The following CSMD1 variants were observed in gnomAD, a reference collection of about 807,000 sequenced individuals.
CSMD1 encodes CUB and Sushi multiple domains 1, also known as CUB and sushi domain-containing protein 1.
In CSMD1, 213 loss-of-function variants were observed where a neutral mutation model predicts 417.5. That is an observed-to-expected ratio of 0.51 (90% confidence interval 0.46 to 0.57). The LOEUF is 0.57. Ranked by LOEUF, CSMD1 falls within the 20% of genes least tolerant of loss-of-function variation. The pLI is 0.00. For missense variants in CSMD1, 6,923 were observed against 4,529.7 expected, an observed-to-expected ratio of 1.53 and a Z score of -15.17; for synonymous variants, 2,862 against 1,736.8, an observed-to-expected ratio of 1.65 and a Z score of -16.11.
At chr8:3,198,967 A>G (rs1796845705) in intron 33 of CSMD1, among the ~76,000 whole-genome samples, 1 of 152,200 alleles carries the variant, frequency 6.6e-6, no homozygotes, top group South Asian at 2.1e-4. Flanking sequence ...TCTGAACAAG[A>G]TCATTTCTTC....
intron 26 of CSMD1, among the ~76,000 whole-genome samples, chr8:3,257,165 C>T (rs558541008): frequency 6.6e-6 from 1 of 152,068 alleles, no homozygotes; most frequent in South Asian, 2.1e-4. Flanking sequence ...CCGCTAAAAA[C>T]ACAAAAATTT....
At chr8:3,634,750 C>G (rs1432750471) in intron 7 of CSMD1, among the ~76,000 whole-genome samples, 1 of 152,072 alleles carries the variant, frequency 6.6e-6, no homozygotes, top group African/African-American at 2.4e-5. Context: ...GATTAAGGCA[C>G]ACAGTTTGAT....
At chr8:3,602,963 T>A (rs1467933525) in intron 8 of CSMD1, among the ~76,000 whole-genome samples, 1 of 152,262 alleles carries the variant, frequency 6.6e-6, no homozygotes, top group African/African-American at 2.4e-5. Flanking sequence ...GATGAAAAAA[T>A]TACTTTTCTA....
chr8:3,667,413 C>T (rs916022762), intron 7 of CSMD1, among the ~76,000 whole-genome samples: 21 of 151,954 alleles, frequency 1.4e-4, no homozygotes, highest in Admixed American at 1.2e-3. Context: ...GTGTGGAGAT[C>T]TTGGGGAAGA....
intron 12 of CSMD1, among the ~76,000 whole-genome samples, chr8:3,446,229 T>A (rs1385277328): frequency 6.6e-6 from 1 of 152,200 alleles, no homozygotes; most frequent in Non-Finnish European, 1.5e-5. Context: ...GCACTCCTAG[T>A]CCTTGGAAGA....
intron 5 of CSMD1, among the ~76,000 whole-genome samples, chr8:3,805,074 A>G (rs139677544): frequency 2.0e-5 from 3 of 149,026 alleles, no homozygotes; most frequent in Admixed American, 6.8e-5. Flanking sequence ...GAGAATTAGA[A>G]TAACAGATAC....
intron 30 of CSMD1, among the ~76,000 whole-genome samples, chr8:3,210,322 T>G (rs1480109435): frequency 8.7e-6 from 1 of 114,972 alleles, no homozygotes; most frequent in African/African-American, 3.5e-5. Flanking sequence ...CGCTGTGCTC[T>G]TTGATGACTA....
chr8:4,466,989 G>C (rs1800212328), intron 2 of CSMD1, among the ~76,000 whole-genome samples: 1 of 151,766 alleles, frequency 6.6e-6, no homozygotes, highest in Non-Finnish European at 1.5e-5. Context: ...CTCAGCTGTG[G>C]GAGCTTTCTC....
At chr8:4,266,658 A>G (rs1187168481) in intron 3 of CSMD1, among the ~76,000 whole-genome samples, 1 of 105,324 alleles carries the variant, frequency 9.5e-6, no homozygotes, top group African/African-American at 2.6e-5. Flanking sequence ...ATCTATGAAC[A>G]TTGATATAAC....
At chr8:3,474,946 T>G (rs1215293459) in intron 11 of CSMD1, among the ~76,000 whole-genome samples, 1 of 152,202 alleles carries the variant, frequency 6.6e-6, no homozygotes, top group Non-Finnish European at 1.5e-5. Context: ...GCCATCATAT[T>G]GTAGCTGCCT....
chr8:4,977,952 G>A (rs1810661029), intron 1 of CSMD1, among the ~76,000 whole-genome samples: 1 of 152,216 alleles, frequency 6.6e-6, no homozygotes, highest in Non-Finnish European at 1.5e-5. Flanking sequence ...ATTTGTTGCT[G>A]AGGGTCCTGC....
At chr8:3,169,170 G>A (rs962087247) in intron 37 of CSMD1, among the ~76,000 whole-genome samples, 2 of 152,070 alleles carry the variant, frequency 1.3e-5, no homozygotes, top group Non-Finnish European at 2.9e-5. Context: ...CATTACACAT[G>A]TGCAGGAATC....
chr8:4,475,606 T>TCTTTTA (rs1435326956), intron 2 of CSMD1, among the ~76,000 whole-genome samples: 2 of 150,094 alleles, frequency 1.3e-5, no homozygotes, highest in African/African-American at 5.0e-5. Context: ...GGGTTTTTTT[T>TCTTTTA]CTTTTTCTTT....
chr8:4,957,800 G>C (rs961622312), intron 1 of CSMD1, among the ~76,000 whole-genome samples: 2 of 152,154 alleles, frequency 1.3e-5, no homozygotes, highest in African/African-American at 2.4e-5. Context: ...TAGGACAGGG[G>C]TGTACTAGCT....
intron 5 of CSMD1, among the ~76,000 whole-genome samples, chr8:3,886,535 A>G (rs1313614075): frequency 4.6e-5 from 7 of 152,242 alleles, no homozygotes; most frequent in South Asian, 4.1e-4. Context: ...AAAGCAGGCC[A>G]TGGACAGCAC....
intron 1 of CSMD1, among the ~76,000 whole-genome samples, chr8:4,935,545 G>T (rs1265868093): frequency 6.6e-6 from 1 of 152,058 alleles, no homozygotes; most frequent in Non-Finnish European, 1.5e-5. Flanking sequence ...ACTCTATAAG[G>T]TTATACACTT....
chr8:3,698,892 T>C (rs767256910), intron 7 of CSMD1, among the ~76,000 whole-genome samples: 3 of 152,346 alleles, frequency 2.0e-5, no homozygotes, highest in Non-Finnish European at 4.4e-5. Flanking sequence ...TCATTTGCAA[T>C]TGATTGGATT....
intron 49 of CSMD1, among the ~76,000 whole-genome samples, chr8:3,081,865 C>G (rs980576011): frequency 7.9e-5 from 12 of 152,162 alleles, no homozygotes; most frequent in African/African-American, 2.9e-4. Context: ...ATTTTTAAAA[C>G]TCCATCTTTT....
intron 12 of CSMD1, among the ~76,000 whole-genome samples, chr8:3,432,664 T>A (rs1160224702): frequency 6.6e-6 from 1 of 152,012 alleles, no homozygotes; most frequent in Non-Finnish European, 1.5e-5. Context: ...TACAGGCGTG[T>A]GCCACCACAC....
Sources: allele counts gnomAD v4.1 joint callset (sites outside exome capture counted in the v4.1 genomes callset), GRCh38; gene constraint gnomAD v4.1.1; transcripts MANE v1.5; gene names NCBI Gene and HGNC (gene_info 2026-07-23, HGNC 2026-07-21).